Variants in CRHR1 observed in about 807,000 individuals in gnomAD.
CRHR1 encodes the protein corticotropin releasing hormone receptor 1, also known as corticotropin-releasing hormone receptor 1.
A neutral mutation model predicts 56.0 loss-of-function variants in CRHR1; 28 were observed. That is an observed-to-expected ratio of 0.50 (90% CI 0.37 to 0.69). CRHR1 has a LOEUF of 0.69. Among genes scored for constraint, CRHR1 ranks in the 30% least tolerant of loss-of-function variants. The pLI, the probability that CRHR1 is intolerant of heterozygous loss-of-function variation, is 0.00. For missense variants in CRHR1, 376 were observed against 548.0 expected, an observed-to-expected ratio of 0.69 and a Z score of 3.13; for synonymous variants, 195 against 216.5, an observed-to-expected ratio of 0.90 and a Z score of 0.87.
Position 45,830,581 on chromosome 17 carries a change from C to A in CRHR1, c.709+11C>A. On this transcript the variant is annotated intron_variant, in intron 7 of 12. Coordinates refer to ENST00000314537, the MANE Select transcript of CRHR1 (RefSeq NM_004382.5). ...TCTGCATTGGCTGGGGTGAGCTGGG[C>A]AGCCACCTCCGCAGCCTGGGCAGTG... The A allele has an allele frequency of 6.3e-7, 1 of 1,596,626 alleles. No individual in the cohort carries two copies. Among genetic ancestry groups the A allele is most frequent in the Non-Finnish European group, 8.5e-7 (1 of 1,170,196 alleles).
At chr17:45,797,431 C>T (rs549762241) in intron 1 of CRHR1, among the ~76,000 whole-genome samples, 48 of 152,040 alleles carry the variant, frequency 3.2e-4, no homozygotes, top group African/African-American at 1.2e-3. Flanking sequence ...GCTGGGACTA[C>T]AGGCGCCCGC....
At chr17:45,785,113 G>T (rs1229922405) in intron 1 of CRHR1, among the ~76,000 whole-genome samples, 2 of 152,198 alleles carry the variant, frequency 1.3e-5, no homozygotes, top group African/African-American at 2.4e-5. Context: ...GATCAATATC[G>T]CAGTCTCGGG....
At chr17:45,813,618 G>A (rs2061869046) in intron 2 of CRHR1, among the ~76,000 whole-genome samples, 1 of 152,212 alleles carries the variant, frequency 6.6e-6, no homozygotes, top group Non-Finnish European at 1.5e-5. Flanking sequence ...GCGATCGAGG[G>A]GCAGCTGCCC....
At chr17:45,830,795 T>C (rs894035743) in intron 7 of CRHR1, 85 bp from the exon 8 acceptor site, 17 of 1,409,092 alleles carry the variant, frequency 1.2e-5, no homozygotes, top group Non-Finnish European at 1.5e-5. Context: ...CCAGACCCCC[T>C]GGAGCCTGGG....
intron 2 of CRHR1, among the ~76,000 whole-genome samples, chr17:45,811,735 C>T (rs1458154077): frequency 1.3e-5 from 2 of 152,216 alleles, no homozygotes; most frequent in Non-Finnish European, 2.9e-5. Flanking sequence ...TCCCTCACTT[C>T]CTTTAGGTAT....
At chr17:45,811,401 C>A (rs1019977622) in intron 2 of CRHR1, among the ~76,000 whole-genome samples, 2 of 152,212 alleles carry the variant, frequency 1.3e-5, no homozygotes. Context: ...GACCAGAATG[C>A]GGGCCCCACG....
chr17:45,806,768 T>TCAGCTTCCCTGC (rs2061727846), intron 1 of CRHR1, among the ~76,000 whole-genome samples: 1 of 152,058 alleles, frequency 6.6e-6, no homozygotes, highest in South Asian at 2.1e-4. Context: ...CCTGATCCTG[T>TCAGCTTCCCTGC]CAGCTTCCCT....
chr17:45,784,386 C>G lies in CRHR1; in HGVS notation c.-159C>G, dbSNP rs2061288574. The G allele has an allele frequency of 5.8e-5, 27 of 465,600 alleles. No individual in the cohort carries two copies. Among genetic ancestry groups the G allele is most frequent in the Non-Finnish European group, 8.7e-5 (26 of 298,964 alleles). 28.8% of individuals were successfully genotyped at this position (465,600 alleles called of 1,614,324 possible). On this transcript the variant is annotated 5_prime_UTR_variant, in exon 1 of 13. Coordinates refer to ENST00000314537, the MANE Select transcript of CRHR1 (RefSeq NM_004382.5). This position sits in a 1 kb window ranked among gnomAD's most constrained non-coding sequence, Gnocchi z 4.2. Reference sequence around the variant, plus strand: ...AGCCGGGCCGGGCCGGGCCGGGCCGCGGGGCCGGGAAGCGCCGAGCCGGGC... The same window carrying G: ...AGCCGGGCCGGGCCGGGCCGGGCCGGGGGGCCGGGAAGCGCCGAGCCGGGC...
Position 45,835,009 on chromosome 17 carries a change from T to A in CRHR1, c.*245T>A. On this transcript the variant is annotated 3_prime_UTR_variant, in exon 13 of 13. Transcript: ENST00000314537. The stretch of plus-strand genomic sequence containing the variant: ...GGCCTCTGGCTTCCCTGCCCAATCC[T>A]CCCTGGAGAAGGGACATGGGAATGA... The A allele has an allele frequency of 1.8e-6, 1 of 555,882 alleles. No individual in the cohort carries two copies. 34.4% of individuals were successfully genotyped at this position (555,882 alleles called of 1,614,324 possible).
intron 3 of CRHR1, among the ~76,000 whole-genome samples, chr17:45,820,561 A>G (rs755009639): frequency 6.6e-6 from 1 of 152,190 alleles, no homozygotes; most frequent in Middle Eastern, 3.4e-3. Flanking sequence ...ACAAACCTCC[A>G]TATGTCCCTG....
chr17:45,800,227 G>A (rs369398960), intron 1 of CRHR1: 1 of 152,250 alleles, frequency 6.6e-6, no homozygotes, highest in East Asian at 1.9e-4. Flanking sequence ...CACCAAGGGG[G>A]TTGGAGACAC....
chr17:45,827,742 G>A (rs1230854301), intron 4 of CRHR1: 1 of 152,288 alleles, frequency 6.6e-6, no homozygotes, highest in African/African-American at 2.4e-5. Context: ...CAATGAGGGT[G>A]CTCCTTCAGA....
rs180923397 is a variant in CRHR1, at chr17:45,797,480, C to T, written c.34-9530C>T. On this transcript the variant is annotated intron_variant, in intron 1 of 12. Transcript: ENST00000314537. ...TAGTTTTTTGTATTTTTAGTAGAGA[C>T]GGGGTTTCACTGTGGTCTCAATCTC... 1.1e-3 allele frequency among the ~76,000 whole-genome samples: 165 copies of T among 151,780 alleles called. 1 individual carries two copies. The highest frequency in any genetic ancestry group is 1.6e-3 in the Admixed American group (25 of 15,266).
chr17:45,825,381 C>G (rs2062137772), intron 4 of CRHR1: 1 of 154,628 alleles, frequency 6.5e-6, no homozygotes, highest in Non-Finnish European at 1.5e-5. Context: ...CCCCCACCAC[C>G]TCCCGCTACT....
intron 5 of CRHR1, chr17:45,829,628 G>A (rs769152216): frequency 1.9e-6 from 3 of 1,550,948 alleles, no homozygotes; most frequent in Non-Finnish European, 2.6e-6. Context: ...ATGGAGTGGT[G>A]CCCCATTTCA....
At chr17:45,800,791 C>T (rs967701331) in intron 1 of CRHR1, 1 of 152,198 alleles carries the variant, frequency 6.6e-6, no homozygotes, top group African/African-American at 2.4e-5. Context: ...TCAGTGCTAG[C>T]TGTGAAAGGA....
rs866860305 is a variant in CRHR1, at chr17:45,814,058, G to A, written c.122-2405G>A. 7.9e-5 allele frequency among the ~76,000 whole-genome samples: 12 copies of A among 152,316 alleles called. No homozygotes were observed. The Middle Eastern group carries it at 0.01, about 130-fold the overall frequency. On this transcript the variant is annotated intron_variant, in intron 2 of 12. Coordinates refer to ENST00000314537, the MANE Select transcript of CRHR1 (RefSeq NM_004382.5). ...GGTGCCCAGTCCTTTCCTGCCCTCC[G>A]TGCCTTGCGAAAGCAAGGCGCAAGA... is the stretch of plus-strand genomic sequence containing the variant.
At chr17:45,803,775 T>TGTGTGCGCGCGC (rs71138510) in intron 1 of CRHR1, among the ~76,000 whole-genome samples, 1 of 150,336 alleles carries the variant, frequency 6.7e-6, no homozygotes, top group African/African-American at 2.4e-5. Flanking sequence ...TGTGTGTGTG[T>TGTGTGCGCGCGC]GCGTGCGCGT....
chr17:45,819,547 A>G (rs2061998681), intron 3 of CRHR1, among the ~76,000 whole-genome samples: 1 of 145,644 alleles, frequency 6.9e-6, no homozygotes, highest in African/African-American at 2.6e-5. Context: ...CTTCCCAGCC[A>G]TGGCAGAGAC....
Sources: allele counts gnomAD v4.1 joint callset (sites outside exome capture counted in the v4.1 genomes callset), GRCh38; gene constraint gnomAD v4.1.1; non-coding constraint Gnocchi (gnomAD v3.1); transcripts MANE v1.5; gene names NCBI Gene and HGNC (gene_info 2026-07-23, HGNC 2026-07-21).